The following NBR1 variants were observed in gnomAD, a reference collection of about 807,000 sequenced individuals.
NBR1 encodes the protein NBR1 autophagy cargo receptor.
Under a neutral mutation model 115.5 loss-of-function variants are expected in NBR1, and 59 were observed. That is an observed-to-expected ratio of 0.51 (90% CI 0.41 to 0.63). The LOEUF is 0.63. Ranked by LOEUF, NBR1 falls within the 30% of genes least tolerant of loss-of-function variation. NBR1 has a pLI of 0.00. For missense variants in NBR1, 1,043 were observed against 1,150.5 expected (o/e 0.91, Z 1.35); for synonymous variants, 373 against 414.7 (o/e 0.90, Z 1.22).
At position 43,193,185 on chromosome 17, in the gene NBR1, G is replaced by C; in HGVS notation, c.1165G>C (p.Gly389Arg). 1 of 1,613,950 alleles carries C rather than the reference G, an allele frequency of 6.2e-7. No homozygotes were observed. Among genetic ancestry groups the C allele is most frequent in the Non-Finnish European group, 8.5e-7 (1 of 1,179,856 alleles). ...GCCTGATGGGACTCACCTTCAGCCA[G>C]GAACCAAGTTTATCAAACACTGGAG... Reference protein sequence around the residue: ...NLPDGTHLQPGTKFIKHWRMK... With the variant: ...NLPDGTHLQPRTKFIKHWRMK... Residue 389 changes from glycine to arginine, a missense_variant, in exon 11 of 21, where the codon GGA becomes CGA. Transcript: ENST00000590996.
chr17:43,172,264 T>A (rs1567841015), intron 1 of NBR1, among the ~76,000 whole-genome samples: 1 of 152,148 alleles, frequency 6.6e-6, no homozygotes, highest in Non-Finnish European at 1.5e-5. Flanking sequence ...GCTGAAAGAA[T>A]TTTTTTACAT....
chr17:43,194,121 G>A (rs1415040342), intron 12 of NBR1, among the ~76,000 whole-genome samples: 1 of 152,156 alleles, frequency 6.6e-6, no homozygotes, highest in African/African-American at 2.4e-5. Context: ...TTAATTTTCT[G>A]GTTTTGACTA....
chr17:43,198,300 C>T (rs2057114651), intron 16 of NBR1, among the ~76,000 whole-genome samples: 2 of 152,016 alleles, frequency 1.3e-5, no homozygotes, highest in South Asian at 4.1e-4. Flanking sequence ...TGGAGAATCT[C>T]TTTATTATAA....
Position 43,177,990 on chromosome 17 carries a change from A to C in NBR1, c.157A>C (p.Asn53His), listed in dbSNP as rs748744867. 6.4e-7 allele frequency: 1 copy of C among 1,571,098 alleles called. No individual in the cohort carries two copies. The highest frequency in any genetic ancestry group is 8.7e-7 in the Non-Finnish European group (1 of 1,148,784). The change falls in exon 3 of 21, where the codon AAT becomes CAT. Residue 53 changes from asparagine (N) to histidine (H), a missense_variant. Asn to His is a moderately conservative substitution (Grantham distance 68). Coordinates refer to ENST00000590996, the MANE Select transcript of NBR1 (RefSeq NM_005899.5). ...TIQIKYLDEE[N>H]EEVSINSQGE... ...TCAAATAAAATACCTGGATGAGGAA[A>C]ATGAAGAGGTAAAATATATTATGGC...
chr17:43,172,716 GT>G (rs2056406313), intron 1 of NBR1, among the ~76,000 whole-genome samples: 1 of 152,044 alleles, frequency 6.6e-6, no homozygotes, highest in Non-Finnish European at 1.5e-5. Flanking sequence ...TTGTCTTAGG[GT>G]TTCAAAAAAG....
At chr17:43,204,121 G>A (rs1315817036) in intron 20 of NBR1, among the ~76,000 whole-genome samples, 1 of 151,838 alleles carries the variant, frequency 6.6e-6, no homozygotes, top group Admixed American at 6.6e-5. Context: ...GTATTTTTTA[G>A]TAGAGACGAT....
At chr17:43,173,311 C>G (rs1404828311) in intron 1 of NBR1, among the ~76,000 whole-genome samples, 1 of 151,664 alleles carries the variant, frequency 6.6e-6, no homozygotes, top group Non-Finnish European at 1.5e-5. Context: ...ATTTTTGAGA[C>G]AGAGTCTCGC....
intron 1 of NBR1, among the ~76,000 whole-genome samples, chr17:43,172,403 G>A (rs1369927712): frequency 3.3e-5 from 5 of 152,280 alleles, no homozygotes; most frequent in Admixed American, 6.5e-5. Flanking sequence ...TTCCAATTGT[G>A]TAATTTGAGA....
Position 43,194,489 on chromosome 17 carries a change from T to C in NBR1, c.1664T>C (p.Leu555Pro). The change falls in exon 13 of 21, where the codon CTG becomes CCG. Residue 555 changes from leucine (L) to proline (P), a missense_variant. Physicochemically the swap from Leu to Pro is moderately conservative, Grantham distance 98. Coordinates refer to ENST00000590996, the MANE Select transcript of NBR1 (RefSeq NM_005899.5). The stretch of plus-strand genomic sequence containing the variant: ...CTCTACATCCCATCTGTGGATCTTC[T>C]GACTGCCCAGGTGGAAGATTCAGCA... ...RELYIPSVDLLTAQDLLSFEL... is the reference protein window; with the variant it reads ...RELYIPSVDLPTAQDLLSFEL... 3 of 1,613,902 alleles carry C rather than the reference T, an allele frequency of 1.9e-6. No homozygotes were observed. Among genetic ancestry groups the C allele is most frequent in the Non-Finnish European group, 2.5e-6 (3 of 1,179,832 alleles).
At chr17:43,175,929 T>C (rs760729731) in intron 2 of NBR1, 28 bp downstream of exon 2, 9 of 1,306,280 alleles carry the variant, frequency 6.9e-6, no homozygotes, top group Non-Finnish European at 9.9e-6. Flanking sequence ...TTGTTTCTCC[T>C]TGGTTTAAGC....
chr17:43,202,761 G>C, intron 19 of NBR1, 49 bp downstream of exon 19: 1 of 1,433,162 alleles, frequency 7.0e-7, no homozygotes, highest in Non-Finnish European at 9.6e-7. Context: ...GGATATTCTT[G>C]TATTCCTTCT....
Position 43,210,106 on chromosome 17 carries a change from G to C in NBR1, c.*32G>C, listed in dbSNP as rs1258857302. 6.3e-7 allele frequency: 1 copy of C among 1,581,406 alleles called. No homozygotes were observed. Among genetic ancestry groups the C allele is most frequent in the Non-Finnish European group, 8.6e-7 (1 of 1,162,410 alleles). ...ACCTTGTATTAAATAACTGCCTGCT[G>C]CTCAGAGATGATCTTTATTCTGTCA... On this transcript the variant is annotated 3_prime_UTR_variant, in exon 21 of 21. Transcript: ENST00000590996.
At chr17:43,182,463 C>G (rs1395119391) in intron 5 of NBR1, among the ~76,000 whole-genome samples, 1 of 151,464 alleles carries the variant, frequency 6.6e-6, no homozygotes, top group Non-Finnish European at 1.5e-5. Flanking sequence ...CCAAGTGATT[C>G]GCCTGCCTTG....
chr17:43,188,739 C>A (rs1458635390), intron 6 of NBR1, among the ~76,000 whole-genome samples: 2 of 152,122 alleles, frequency 1.3e-5, no homozygotes, highest in Non-Finnish European at 2.9e-5. Flanking sequence ...TTGCCTGTTT[C>A]AGTCTATCCA....
Position 43,193,468 on chromosome 17 carries a change from G to C in NBR1, c.1354G>C (p.Glu452Gln). ...TGTGGAGTTCATTGCCCCAGCCTTG[G>C]AGGGAACGTATACTTCCCATTGGCG... ...VSVEFIAPALEGTYTSHWRLS... is the reference protein window; with the variant it reads ...VSVEFIAPALQGTYTSHWRLS... The change falls in exon 12 of 21, where the codon GAG becomes CAG. Residue 452 changes from glutamate to glutamine, a missense_variant. Transcript: ENST00000590996. The C allele has an allele frequency of 6.2e-7, 1 of 1,613,934 alleles. No homozygotes were observed. The highest frequency in any genetic ancestry group is 1.1e-5 in the South Asian group (1 of 91,078).
chr17:43,208,579 AT>A (rs993613799), intron 20 of NBR1, among the ~76,000 whole-genome samples: 10 of 152,208 alleles, frequency 6.6e-5, no homozygotes, highest in African/African-American at 2.2e-4. Context: ...TAAATGGAAG[AT>A]TAGGGTTTGA....
At chr17:43,179,885 G>A (rs2056619409) in intron 4 of NBR1, among the ~76,000 whole-genome samples, 1 of 114,790 alleles carries the variant, frequency 8.7e-6, no homozygotes, top group African/African-American at 2.9e-5. Context: ...TGAAATGATA[G>A]TATTAACATT....
intron 1 of NBR1, among the ~76,000 whole-genome samples, chr17:43,173,653 C>T (rs1325378861): frequency 6.6e-6 from 1 of 152,084 alleles, no homozygotes; most frequent in African/African-American, 2.4e-5. Context: ...TTAATTTGAT[C>T]CTTATGGTAA....
chr17:43,194,930 A>C, intron 13 of NBR1, 34 bp from the exon 14 acceptor site: 1 of 1,564,564 alleles, frequency 6.4e-7, no homozygotes, highest in Non-Finnish European at 8.8e-7. Context: ...TCCAGCATGC[A>C]CTCCAAACAG....
Sources: allele counts gnomAD v4.1 joint callset (sites outside exome capture counted in the v4.1 genomes callset), GRCh38; gene constraint gnomAD v4.1.1; transcripts MANE v1.5; gene names NCBI Gene and HGNC (gene_info 2026-07-23, HGNC 2026-07-21).